Variants in PCDHA3 observed in about 807,000 individuals in gnomAD.
The protein encoded by PCDHA3 is protocadherin alpha 3, also known as protocadherin alpha-3.
A neutral mutation model predicts 62.2 loss-of-function variants in PCDHA3; 41 were observed. The observed-to-expected ratio is 0.66, with a 90% confidence interval of 0.51 to 0.86. PCDHA3 has a LOEUF of 0.86. Among genes scored for constraint, PCDHA3 ranks in the 40% least tolerant of loss-of-function variants. The pLI, the probability that PCDHA3 is intolerant of heterozygous loss-of-function variation, is 0.00. For synonymous variants in PCDHA3, 640 were observed against 555.4 expected, an observed-to-expected ratio of 1.15 and a Z score of -2.14; for missense variants, 1,304 against 1,241.2, an observed-to-expected ratio of 1.05 and a Z score of -0.76.
At chr5:140,977,836 T>C (rs1300356505) in intron 1 of PCDHA3, among the ~76,000 whole-genome samples, 1 of 152,236 alleles carries the variant, frequency 6.6e-6, no homozygotes, top group African/African-American at 2.4e-5. Flanking sequence ...TCTATTGATA[T>C]TACTATGGCT....
chr5:141,000,421 A>ATTTTTTTT (rs34755515), intron 3 of PCDHA3, among the ~76,000 whole-genome samples: 2 of 27,968 alleles, frequency 7.2e-5, no homozygotes, highest in Admixed American at 6.5e-4. Context: ...ATATATATAT[A>ATTTTTTTT]TTTTTTTTTT....
At chr5:141,001,522 C>G (rs1554258201) in intron 3 of PCDHA3, among the ~76,000 whole-genome samples, 1 of 152,214 alleles carries the variant, frequency 6.6e-6, no homozygotes, top group African/African-American at 2.4e-5. Context: ...TTCTCCCTCT[C>G]TCTCTGATCC....
chr5:140,909,164 A>T (rs2074347084), intron 1 of PCDHA3, among the ~76,000 whole-genome samples: 1 of 152,238 alleles, frequency 6.6e-6, no homozygotes, highest in South Asian at 2.1e-4. Context: ...AGGGAAAATC[A>T]ATCAAGTTCT....
intron 1 of PCDHA3, among the ~76,000 whole-genome samples, chr5:140,942,794 A>C (rs782783696): frequency 2.6e-4 from 39 of 152,326 alleles, no homozygotes; most frequent in Middle Eastern, 3.4e-3. Flanking sequence ...TTACAAAGGC[A>C]TGTTTTCCAC....
chr5:140,966,052 C>G (rs2095962967), intron 1 of PCDHA3, among the ~76,000 whole-genome samples: 1 of 152,158 alleles, frequency 6.6e-6, no homozygotes, highest in Admixed American at 6.5e-5. Context: ...GCCAGTAACC[C>G]CAGAGCGCCT....
chr5:140,860,034 A>G (rs1356064800), intron 1 of PCDHA3: 3 of 150,432 alleles, frequency 2.0e-5, no homozygotes, highest in Non-Finnish European at 3.0e-5. Context: ...CACACCTGTA[A>G]TCCCAGCATT....
intron 1 of PCDHA3, among the ~76,000 whole-genome samples, chr5:140,925,773 A>G (rs2082712352): frequency 6.6e-6 from 1 of 151,966 alleles, no homozygotes; most frequent in African/African-American, 2.4e-5. Context: ...TCCTGGTCAA[A>G]CTCTAATGAG....
intron 1 of PCDHA3, chr5:140,850,246 C>A: frequency 1.9e-6 from 3 of 1,593,138 alleles, no homozygotes; most frequent in Non-Finnish European, 2.6e-6. Flanking sequence ...GTGCTGCGGT[C>A]GGTGGGCGCC....
intron 1 of PCDHA3, chr5:140,967,023 G>C: frequency 6.2e-7 from 1 of 1,608,162 alleles, no homozygotes; most frequent in Non-Finnish European, 8.5e-7. Context: ...GGTGCGCCCA[G>C]TCCGCGCTAC....
intron 1 of PCDHA3, chr5:140,875,653 C>G (rs1554167829): frequency 1.2e-6 from 2 of 1,613,682 alleles, no homozygotes; most frequent in Non-Finnish European, 8.5e-7. Context: ...GGAGCTGGTG[C>G]CGCGCCTGTT....
At chr5:140,932,688 TA>T (rs1214634464) in intron 1 of PCDHA3, among the ~76,000 whole-genome samples, 4 of 151,810 alleles carry the variant, frequency 2.6e-5, no homozygotes, top group African/African-American at 9.7e-5. Flanking sequence ...ATATTCAAAT[TA>T]AAAAACTCAT....
At position 140,848,680 on chromosome 5, in the gene PCDHA3, G is replaced by T. The variant is rs2150417098; in HGVS notation, c.2394+45089G>T. ...CTGGAGCTGGCGGAGCTGGTGCCGC[G>T]CCTGTTCCAGTTGGATTCCAAAGGC... On this transcript the variant is annotated intron_variant, in intron 1 of 3. Transcript: ENST00000522353. 4.4e-5 allele frequency: 70 copies of T among 1,592,250 alleles called. 5 individuals are homozygous for T. The highest frequency in any genetic ancestry group is 3.9e-4 in the Admixed American group (23 of 59,170).
intron 3 of PCDHA3, among the ~76,000 whole-genome samples, chr5:141,001,941 A>G (rs565358428): frequency 6.6e-6 from 1 of 151,874 alleles, no homozygotes; most frequent in Admixed American, 6.5e-5. Context: ...GTGAGCGGAA[A>G]TAAGGAGGAG....
chr5:140,933,945 T>A (rs1435633780), intron 1 of PCDHA3, among the ~76,000 whole-genome samples: 1 of 152,084 alleles, frequency 6.6e-6, no homozygotes, highest in Non-Finnish European at 1.5e-5. Flanking sequence ...TTTTCACATC[T>A]GCAGGATCTG....
chr5:140,823,828 G>A, intron 1 of PCDHA3: 1 of 1,613,824 alleles, frequency 6.2e-7, no homozygotes, highest in Non-Finnish European at 8.5e-7. Context: ...GTCGGCGGGC[G>A]CTGTGGGTCC....
chr5:140,883,213 A>G, intron 1 of PCDHA3: 1 of 1,614,090 alleles, frequency 6.2e-7, no homozygotes, highest in South Asian at 1.1e-5. Flanking sequence ...AAAAGAAATT[A>G]TATGAAATAT....
chr5:140,823,412 G>A, intron 1 of PCDHA3: 2 of 1,613,222 alleles, frequency 1.2e-6, no homozygotes. Context: ...CCTCTGGGCA[G>A]CAACGTGACG....
At chr5:140,982,273 A>G (rs1554243953) in intron 2 of PCDHA3, 2 of 943,086 alleles carry the variant, frequency 2.1e-6, no homozygotes, top group Non-Finnish European at 3.0e-6. Context: ...CTGGAATAGT[A>G]TAGCAGGCAA....
chr5:140,926,890 A>C, intron 1 of PCDHA3: 2 of 1,543,874 alleles, frequency 1.3e-6, no homozygotes, highest in Non-Finnish European at 1.7e-6. Context: ...GCCTAGAGGG[A>C]GGATGGTGGG....
Sources: gnomAD v4.1 joint callset for allele counts (sites outside exome capture counted in the v4.1 genomes callset) on GRCh38, gnomAD v4.1.1 for gene constraint, MANE v1.5 for transcripts, NCBI Gene and HGNC (gene_info 2026-07-23, HGNC 2026-07-21) for gene names.